The following PTPRK variants were observed in gnomAD, a reference collection of about 807,000 sequenced individuals.
PTPRK encodes protein tyrosine phosphatase receptor type K.
PTPRK carries 75 observed loss-of-function variants against 178.0 expected under a neutral mutation model. The ratio of observed to expected loss-of-function variants is 0.42; its 90% CI spans 0.35 to 0.51. The LOEUF is 0.51. Ranked by LOEUF, PTPRK falls within the 20% of genes least tolerant of loss-of-function variation. PTPRK has a pLI of 0.02. For synonymous variants in PTPRK, 637 were observed against 620.6 expected (o/e 1.03, Z -0.39); for missense variants, 1,441 against 1,797.8 (o/e 0.80, Z 3.59).
chr6:128,169,593 A>G (rs1048761008), intron 7 of PTPRK, among the ~76,000 whole-genome samples: 2 of 152,016 alleles, frequency 1.3e-5, no homozygotes, highest in African/African-American at 4.8e-5. Context: ...GGTATTTTTT[A>G]TTGTTATTTC....
intron 7 of PTPRK, among the ~76,000 whole-genome samples, chr6:128,169,492 T>G (rs917298704): frequency 2.6e-5 from 4 of 152,030 alleles, no homozygotes; most frequent in Non-Finnish European, 5.9e-5. Flanking sequence ...TAAAAGTATT[T>G]ATTTTTACCA....
intron 1 of PTPRK, among the ~76,000 whole-genome samples, chr6:128,442,898 T>C (rs1846463155): frequency 6.6e-6 from 1 of 152,172 alleles, no homozygotes; most frequent in Non-Finnish European, 1.5e-5. Context: ...GGAAACTTAA[T>C]GACTAATTGA....
intron 3 of PTPRK, among the ~76,000 whole-genome samples, chr6:128,309,350 G>A (rs1161327690): frequency 6.6e-6 from 1 of 152,068 alleles, no homozygotes; most frequent in African/African-American, 2.4e-5. Flanking sequence ...GTATAAATGG[G>A]GCTTCCTGGA....
In PTPRK at chr6:127,998,809, G is replaced by C. The variant is rs1370369086; in HGVS notation, c.2590C>G (p.Leu864Val). Residue 864 changes from leucine (L) to valine (V), a missense_variant, in exon 16 of 30, where the codon CTG becomes GTG. Coordinates refer to ENST00000368226, the MANE Select transcript of PTPRK (RefSeq NM_002844.4). ...GTESPYQTGQLHPAIRVADLL... is the reference protein window; with the variant it reads ...GTESPYQTGQVHPAIRVADLL... ...TCAGCTACCCTGATGGCTGGATGCA[G>C]CTGTCCTGTCTGGTAAGGGGATTCC... 3 of 1,610,868 alleles carry C rather than the reference G, an allele frequency of 1.9e-6. No individual in the cohort carries two copies. The highest frequency in any genetic ancestry group is 2.5e-6 in the Non-Finnish European group (3 of 1,178,120).
chr6:128,384,511 C>A (rs1435886305), intron 2 of PTPRK, among the ~76,000 whole-genome samples: 2 of 152,076 alleles, frequency 1.3e-5, no homozygotes, highest in African/African-American at 4.8e-5. Flanking sequence ...TCAAAGCTAT[C>A]CTAGGCCACA....
intron 7 of PTPRK, among the ~76,000 whole-genome samples, chr6:128,123,350 T>C (rs1792788533): frequency 6.6e-6 from 1 of 152,174 alleles, no homozygotes; most frequent in Middle Eastern, 3.2e-3. Flanking sequence ...TTCACCCAGT[T>C]TGTGGTTCTT....
At chr6:128,289,020 C>G (rs943532682) in intron 3 of PTPRK, among the ~76,000 whole-genome samples, 11 of 152,110 alleles carry the variant, frequency 7.2e-5, no homozygotes, top group Admixed American at 5.9e-4. Context: ...TCTATGGTCA[C>G]TATGGCTACA....
At chr6:128,340,868 A>G (rs1831569776) in intron 2 of PTPRK, 1 of 409,134 alleles carries the variant, frequency 2.4e-6, no homozygotes, top group Non-Finnish European at 4.7e-6. Flanking sequence ...TTTCTTTAAT[A>G]TTAACTTTTA....
Position 128,497,777 on chromosome 6 carries a change from TTG to T in PTPRK, c.100+22480_100+22481del, listed in dbSNP as rs200004831. Among the ~76,000 whole-genome samples the T allele has an allele frequency of 8.3e-4, 118 of 141,992 alleles. 1 individual carries two copies. The highest frequency in any genetic ancestry group is 5.1e-4 in the Non-Finnish European group (32 of 63,124). 93.2% of individuals were successfully genotyped at this position (141,992 alleles called of 152,430 possible). On this transcript the variant is annotated intron_variant, in intron 1 of 29. Transcript: ENST00000368226. The stretch of plus-strand genomic sequence containing the variant: ...AAGTAATTATCACCTATCAAAAAGG[TTG>T]TTTTTTTTTTTCCTTTCTATTAGAT...
At chr6:128,233,760 G>T (rs1812731639) in intron 5 of PTPRK, among the ~76,000 whole-genome samples, 1 of 152,166 alleles carries the variant, frequency 6.6e-6, no homozygotes, top group Admixed American at 6.5e-5. Flanking sequence ...CCACAGTTTT[G>T]ATGACAATCT....
chr6:128,198,107 A>G (rs183774028), intron 6 of PTPRK, among the ~76,000 whole-genome samples: 10 of 152,294 alleles, frequency 6.6e-5, no homozygotes, highest in Non-Finnish European at 1.3e-4. Flanking sequence ...AGTGATCTAT[A>G]CATATCACCC....
At chr6:128,058,594 T>C (rs1216205633) in intron 13 of PTPRK, among the ~76,000 whole-genome samples, 2 of 152,168 alleles carry the variant, frequency 1.3e-5, no homozygotes, top group Non-Finnish European at 2.9e-5. Context: ...CTGTAAATTC[T>C]ATTTTACTCT....
intron 1 of PTPRK, among the ~76,000 whole-genome samples, chr6:128,434,713 T>A (rs1278148264): frequency 6.6e-6 from 1 of 152,098 alleles, no homozygotes; most frequent in African/African-American, 2.4e-5. Flanking sequence ...TAAACTTGAA[T>A]AAATAGAGCT....
At chr6:128,517,961 T>C (rs1442068414) in intron 1 of PTPRK, among the ~76,000 whole-genome samples, 1 of 152,174 alleles carries the variant, frequency 6.6e-6, no homozygotes, top group Non-Finnish European at 1.5e-5. Flanking sequence ...ACATCTCTAA[T>C]CTATGTCTGC....
intron 1 of PTPRK, among the ~76,000 whole-genome samples, chr6:128,411,312 CT>C (rs1318802331): frequency 1.3e-5 from 2 of 152,198 alleles, no homozygotes; most frequent in African/African-American, 2.4e-5. Context: ...CCATATTGTA[CT>C]TTTTCTAAAT....
intron 3 of PTPRK, among the ~76,000 whole-genome samples, chr6:128,310,174 G>T (rs975265068): frequency 9.9e-5 from 15 of 152,092 alleles, no homozygotes; most frequent in Non-Finnish European, 1.6e-4. Context: ...CTTTCTCTCT[G>T]ATTTCTGGTC....
chr6:128,431,008 G>A (rs558832457), intron 1 of PTPRK, among the ~76,000 whole-genome samples: 15 of 145,804 alleles, frequency 1.0e-4, no homozygotes, highest in Admixed American at 2.1e-4. Context: ...GTGTGATCTC[G>A]GCTCACTGCA....
chr6:128,519,148 A>G lies in PTPRK; in HGVS notation c.100+1111T>C. The G allele has an allele frequency of 4.0e-6, 2 of 497,766 alleles. No individual in the cohort carries two copies. Among genetic ancestry groups the G allele is most frequent in the South Asian group, 3.0e-5 (2 of 66,594 alleles). The allele number at this position is 497,766 out of a possible 1,614,324, so 30.8% of individuals were successfully genotyped here. On this transcript the variant is annotated intron_variant, in intron 1 of 29. Coordinates refer to ENST00000368226, the MANE Select transcript of PTPRK (RefSeq NM_002844.4). The surrounding 1 kb of genome is among the most constrained non-coding windows in gnomAD (Gnocchi z 4.3). ...GCTCGCCAGCCAAGCGAAGCTGGGT[A>G]GGTTGGCCAGAAAAGTTGTCAGGAC... is the stretch of plus-strand genomic sequence containing the variant.
chr6:128,258,674 T>C (rs1817712530), intron 3 of PTPRK, among the ~76,000 whole-genome samples: 1 of 152,118 alleles, frequency 6.6e-6, no homozygotes, highest in Admixed American at 6.6e-5. Context: ...GTGACCAAAG[T>C]GCTAAGGCAA....
Sources: gnomAD v4.1 joint callset for allele counts (sites outside exome capture counted in the v4.1 genomes callset) on GRCh38, gnomAD v4.1.1 for gene constraint, Gnocchi (gnomAD v3.1) non-coding constraint, MANE v1.5 for transcripts, NCBI Gene and HGNC (gene_info 2026-07-23, HGNC 2026-07-21) for gene names.